Variants in SESTD1 observed in about 807,000 individuals in gnomAD.
SESTD1 encodes the protein SEC14 domain and spectrin repeat-containing protein 1.
Under a neutral mutation model 101.7 loss-of-function variants are expected in SESTD1, and 43 were observed. That is an observed-to-expected ratio of 0.42 (90% CI 0.33 to 0.55). The LOEUF is 0.55. SESTD1 is among the 20% of genes least tolerant of loss of function. SESTD1 has a pLI of 0.07. For missense variants in SESTD1, 647 were observed against 815.1 expected (o/e 0.79, Z 2.51); for synonymous variants, 283 against 286.8 (o/e 0.99, Z 0.13).
At chr2:179,114,563 T>C (rs1392102668) in intron 16 of SESTD1, among the ~76,000 whole-genome samples, 2 of 152,238 alleles carry the variant, frequency 1.3e-5, no homozygotes, top group South Asian at 2.1e-4. Flanking sequence ...CCTTAATTCA[T>C]TGAATAATAA....
In SESTD1 at chr2:179,184,571, AT is replaced by A. The variant is rs1229175755; in HGVS notation, c.56-1384del. On this transcript the variant is annotated intron_variant, in intron 2 of 17. Coordinates refer to ENST00000428443, the MANE Select transcript of SESTD1 (RefSeq NM_178123.5). ...ATGTGTCATTTCTCAAAAAAAAAAA[AT>A]GGATTAACACAAGTGGTTTTCAAAC... Among the ~76,000 whole-genome samples the A allele has an allele frequency of 1.6e-3, 242 of 152,196 alleles. 1 individual carries two copies. Among genetic ancestry groups the A allele is most frequent in the African/African-American group, 5.7e-3 (235 of 41,562 alleles).
intron 6 of SESTD1, among the ~76,000 whole-genome samples, chr2:179,150,612 G>A (rs1252488671): frequency 6.6e-6 from 1 of 152,020 alleles, no homozygotes; most frequent in Non-Finnish European, 1.5e-5. Flanking sequence ...ACGAGGTCAA[G>A]AGTTTGAGAT....
intron 1 of SESTD1, among the ~76,000 whole-genome samples, chr2:179,200,577 T>C (rs540983881): frequency 8.4e-4 from 128 of 152,134 alleles, no homozygotes; most frequent in African/African-American, 3.0e-3. Context: ...AACAGAGATA[T>C]AGATCAATGG....
intron 1 of SESTD1, among the ~76,000 whole-genome samples, chr2:179,228,486 GTC>G (rs1278512826): frequency 6.6e-6 from 1 of 152,166 alleles, no homozygotes; most frequent in Admixed American, 6.5e-5. Context: ...TGGGAATGGG[GTC>G]TGTCTTTAAT....
intron 2 of SESTD1, among the ~76,000 whole-genome samples, chr2:179,185,819 T>C (rs1263008868): frequency 7.6e-6 from 1 of 130,822 alleles, no homozygotes; most frequent in Non-Finnish European, 1.5e-5. Flanking sequence ...TACAATATAG[T>C]ATATTATATA....
At chr2:179,251,871 T>C (rs1010332509) in intron 1 of SESTD1, among the ~76,000 whole-genome samples, 2 of 152,170 alleles carry the variant, frequency 1.3e-5, no homozygotes, top group African/African-American at 4.8e-5. Flanking sequence ...ATCCTAGATT[T>C]CCCAGCCTCC....
chr2:179,116,617 A>T (rs1374103078), intron 15 of SESTD1, 51 bp downstream of exon 15: 2 of 1,613,464 alleles, frequency 1.2e-6, no homozygotes, highest in South Asian at 2.2e-5. Context: ...ATCATGCAGA[A>T]AGCTATTCAA....
At chr2:179,110,612 A>G (rs2044485930) in intron 17 of SESTD1, among the ~76,000 whole-genome samples, 1 of 152,122 alleles carries the variant, frequency 6.6e-6, no homozygotes, top group African/African-American at 2.4e-5. Context: ...AAATGATGTA[A>G]GCAAGGTCAC....
intron 1 of SESTD1, among the ~76,000 whole-genome samples, chr2:179,203,391 C>T (rs1047772504): frequency 7.5e-6 from 1 of 133,480 alleles, no homozygotes; most frequent in African/African-American, 3.0e-5. Context: ...AGTTCAAGAC[C>T]AACCTGGGCA....
chr2:179,220,592 A>ATTTCCT (rs894710203), intron 1 of SESTD1, among the ~76,000 whole-genome samples: 2 of 151,994 alleles, frequency 1.3e-5, no homozygotes, highest in South Asian at 2.1e-4. Context: ...AACCTGAACC[A>ATTTCCT]TTTCCTTTTC....
chr2:179,178,076 C>A (rs919493451), intron 3 of SESTD1, among the ~76,000 whole-genome samples: 1 of 152,160 alleles, frequency 6.6e-6, no homozygotes, highest in African/African-American at 2.4e-5. Context: ...AATGGGAACA[C>A]AGTTTATTTT....
chr2:179,191,598 T>C (rs2046321034), intron 2 of SESTD1, among the ~76,000 whole-genome samples, 189 bp downstream of exon 2: 1 of 151,770 alleles, frequency 6.6e-6, no homozygotes, highest in Non-Finnish European at 1.5e-5. Flanking sequence ...ATTAGAAAAA[T>C]AAATTGGCCT....
At chr2:179,189,037 T>A (rs1468412633) in intron 2 of SESTD1, among the ~76,000 whole-genome samples, 2 of 151,960 alleles carry the variant, frequency 1.3e-5, no homozygotes, top group African/African-American at 2.4e-5. Context: ...CTGAAATTAT[T>A]CCAAAAAATT....
chr2:179,201,918 T>TACA (rs1553525548), intron 1 of SESTD1, among the ~76,000 whole-genome samples: 1 of 103,278 alleles, frequency 9.7e-6, no homozygotes, highest in Non-Finnish European at 1.9e-5. Context: ...AAACTTAAAG[T>TACA]ATAATAATAA....
chr2:179,257,798 A>G (rs1404969417), intron 1 of SESTD1, among the ~76,000 whole-genome samples: 1 of 152,242 alleles, frequency 6.6e-6, no homozygotes, highest in Non-Finnish European at 1.5e-5. Flanking sequence ...AGGAAAACCC[A>G]GGCAATCTAA....
intron 5 of SESTD1, among the ~76,000 whole-genome samples, chr2:179,152,638 G>A (rs534120940): frequency 1.4e-4 from 22 of 152,174 alleles, no homozygotes; most frequent in African/African-American, 5.1e-4. Context: ...AATAAATAAG[G>A]AGAAATTACC....
chr2:179,109,593 C>T lies in SESTD1; in HGVS notation c.*306G>A. The T allele has an allele frequency of 4.8e-6, 2 of 419,564 alleles. No homozygotes were observed. The highest frequency in any genetic ancestry group is 8.4e-6 in the Non-Finnish European group (2 of 238,146). The allele number at this position is 419,564 out of a possible 1,614,324, so 26.0% of individuals were successfully genotyped here. On this transcript the variant is annotated 3_prime_UTR_variant, in exon 18 of 18. Transcript: ENST00000428443. ...AGAGAATTCCTACTCTTATTAGCACCATTCAAAGCTTATTATCAGTTGTTT... is the reference window on the plus strand; with the variant it reads ...AGAGAATTCCTACTCTTATTAGCACTATTCAAAGCTTATTATCAGTTGTTT...
intron 10 of SESTD1, among the ~76,000 whole-genome samples, chr2:179,128,955 A>C (rs2044946614): frequency 6.6e-6 from 1 of 152,226 alleles, no homozygotes; most frequent in Non-Finnish European, 1.5e-5. Context: ...GGACACAAGC[A>C]GTCAGGATTG....
chr2:179,242,922 A>G (rs2047176291), intron 1 of SESTD1, among the ~76,000 whole-genome samples: 1 of 152,222 alleles, frequency 6.6e-6, no homozygotes, highest in Non-Finnish European at 1.5e-5. Context: ...CCTAAAAAGC[A>G]AGTGCAACAA....
Sources: allele counts gnomAD v4.1 joint callset (sites outside exome capture counted in the v4.1 genomes callset), GRCh38; gene constraint gnomAD v4.1.1; transcripts MANE v1.5; gene names NCBI Gene and HGNC (gene_info 2026-07-23, HGNC 2026-07-21).